The following CSTPP1 variants were observed in gnomAD, a reference collection of about 807,000 sequenced individuals.
CSTPP1 encodes the protein centriolar satellite-associated tubulin polyglutamylase complex regulator 1.
chr11:47,154,188 C>T, the CSTPP1 span, among the ~76,000 whole-genome samples: 1 of 152,072 alleles, frequency 6.6e-6, no homozygotes, highest in African/African-American at 2.4e-5. Context: ...TCACCCATCT[C>T]GGCCTCCCAA....
chr11:46,959,378 G>A, the CSTPP1 span, among the ~76,000 whole-genome samples: 3 of 151,982 alleles, frequency 2.0e-5, no homozygotes, highest in East Asian at 1.9e-4. Flanking sequence ...CCTGTTTTTA[G>A]TAGGGCACCT....
the CSTPP1 span, chr11:47,161,664 C>A: frequency 1.3e-6 from 2 of 1,581,994 alleles, no homozygotes; most frequent in Non-Finnish European, 8.6e-7. Flanking sequence ...CTGCCCACAG[C>A]GCCCTGTACC....
the CSTPP1 span, among the ~76,000 whole-genome samples, chr11:47,068,745 A>G: frequency 6.6e-6 from 1 of 152,162 alleles, no homozygotes; most frequent in Non-Finnish European, 1.5e-5. Flanking sequence ...CAAGCATTTT[A>G]TAAAATAATA....
At chr11:47,164,352 C>A in the CSTPP1 span, 1 of 1,272,890 alleles carries the variant, frequency 7.9e-7, no homozygotes, top group Non-Finnish European at 1.1e-6. Flanking sequence ...ATTTTGACAC[C>A]ACTTTGTTTC....
chr11:47,071,253 A>G, the CSTPP1 span, among the ~76,000 whole-genome samples: 1 of 152,178 alleles, frequency 6.6e-6, no homozygotes, highest in Admixed American at 6.5e-5. Flanking sequence ...AATATCAACT[A>G]TCTGTTTACT....
chr11:47,057,674 C>T, the CSTPP1 span, among the ~76,000 whole-genome samples: 21 of 152,232 alleles, frequency 1.4e-4, no homozygotes, highest in East Asian at 4.1e-3. Flanking sequence ...GAGGCTGGAG[C>T]AGCCAGTATT....
chr11:46,950,227 G>A, the CSTPP1 span, among the ~76,000 whole-genome samples: 2 of 148,070 alleles, frequency 1.4e-5, no homozygotes, highest in African/African-American at 5.1e-5. Context: ...AGGCTGGAGT[G>A]CAGTGGCGTG....
At chr11:47,124,775 C>T in the CSTPP1 span, among the ~76,000 whole-genome samples, 1 of 152,286 alleles carries the variant, frequency 6.6e-6, no homozygotes, top group South Asian at 2.1e-4. Flanking sequence ...TAGATTCATC[C>T]TGATGCCACT....
chr11:47,065,644 T>C, the CSTPP1 span, among the ~76,000 whole-genome samples: 1 of 152,144 alleles, frequency 6.6e-6, no homozygotes, highest in Non-Finnish European at 1.5e-5. Context: ...AATTTATTCC[T>C]AAGTATTTTA....
chr11:46,939,600 G>C, the CSTPP1 span, among the ~76,000 whole-genome samples: 1 of 151,528 alleles, frequency 6.6e-6, no homozygotes. Context: ...GACCAGACTG[G>C]ATGATAGAGT....
the CSTPP1 span, among the ~76,000 whole-genome samples, chr11:47,163,384 G>GA: frequency 6.6e-6 from 1 of 152,100 alleles, no homozygotes; most frequent in Non-Finnish European, 1.5e-5. Flanking sequence ...AAAGCTGAAT[G>GA]AGTCCCAAAC....
the CSTPP1 span, among the ~76,000 whole-genome samples, chr11:46,999,915 A>G: frequency 1.9e-4 from 29 of 152,300 alleles, no homozygotes; most frequent in African/African-American, 6.5e-4. Context: ...AAACAAGTCC[A>G]TGACTGTTCC....
chr11:46,990,963 T>G, the CSTPP1 span, among the ~76,000 whole-genome samples: 1 of 152,184 alleles, frequency 6.6e-6, no homozygotes, highest in East Asian at 1.9e-4. Flanking sequence ...TTTTTGAGTT[T>G]TCTGTACTTT....
the CSTPP1 span, among the ~76,000 whole-genome samples, chr11:46,941,502 G>T: frequency 5.3e-5 from 8 of 152,070 alleles, no homozygotes; most frequent in Admixed American, 5.2e-4. Flanking sequence ...ACCATGCCCA[G>T]CTAATTTTTG....
the CSTPP1 span, among the ~76,000 whole-genome samples, chr11:46,960,112 C>T: frequency 6.6e-6 from 1 of 152,206 alleles, no homozygotes. Flanking sequence ...GGCAATCTGC[C>T]TAACTTGGCT....
At chr11:47,104,494 C>T in the CSTPP1 span, among the ~76,000 whole-genome samples, 1 of 152,208 alleles carries the variant, frequency 6.6e-6, no homozygotes, top group African/African-American at 2.4e-5. Flanking sequence ...CTGCTGCATT[C>T]CCTACATTTG....
At chr11:47,122,091 A>AAAAAAT in the CSTPP1 span, among the ~76,000 whole-genome samples, 43 of 31,820 alleles carry the variant, frequency 1.4e-3, 2 homozygotes, top group South Asian at 1.9e-3. Context: ...AAAAAAAAAA[A>AAAAAAT]ATATATATAT....
the CSTPP1 span, among the ~76,000 whole-genome samples, chr11:46,956,001 C>A: frequency 1.1e-4 from 9 of 79,622 alleles, no homozygotes; most frequent in African/African-American, 2.2e-4. Context: ...CCCCCCCCCA[C>A]CAAAAAAAGA....
chr11:47,108,407 C>T, the CSTPP1 span, among the ~76,000 whole-genome samples: 14 of 152,318 alleles, frequency 9.2e-5, no homozygotes, highest in Admixed American at 5.9e-4. Context: ...CACACCCTGG[C>T]GCTTCGCCTG....
Sources: gnomAD v4.1 joint callset for allele counts (sites outside exome capture counted in the v4.1 genomes callset) on GRCh38, gnomAD v4.1.1 for gene constraint, MANE v1.5 for transcripts, NCBI Gene and HGNC (gene_info 2026-07-23, HGNC 2026-07-21) for gene names.